CSMD1: variants seen among roughly 807,000 people sequenced by gnomAD.
CSMD1 encodes CUB and Sushi multiple domains 1, also known as CUB and sushi domain-containing protein 1.
CSMD1 carries 213 observed loss-of-function variants against 417.5 expected under a neutral mutation model. That is an observed-to-expected ratio of 0.51 (90% CI 0.46 to 0.57). The LOEUF (loss-of-function observed/expected upper bound fraction) is 0.57, where lower values mean the gene tolerates loss of function less well. Among genes scored for constraint, CSMD1 ranks in the 20% least tolerant of loss-of-function variants. The probability of loss-of-function intolerance (pLI) is 0.00; values close to 1 mark genes in which losing one functional copy is unlikely to be tolerated. For missense variants in CSMD1, 6,923 were observed against 4,529.7 expected (o/e 1.53, Z -15.17); for synonymous variants, 2,862 against 1,736.8 (o/e 1.65, Z -16.11).
chr8:4,716,240 T>G (rs1027329136), intron 1 of CSMD1, among the ~76,000 whole-genome samples: 1 of 152,144 alleles, frequency 6.6e-6, no homozygotes, highest in Admixed American at 6.5e-5. Flanking sequence ...CTGCCAAGAA[T>G]CCTTACACTT....
At chr8:3,930,408 G>C (rs11777715) in intron 5 of CSMD1, among the ~76,000 whole-genome samples, 3 of 150,398 alleles carry the variant, frequency 2.0e-5, no homozygotes, top group African/African-American at 7.4e-5. Context: ...GCTTATACTG[G>C]TCCAAGCAAG....
At chr8:3,751,951 T>C (rs201200214) in intron 6 of CSMD1, among the ~76,000 whole-genome samples, 4 of 152,328 alleles carry the variant, frequency 2.6e-5, no homozygotes, top group Middle Eastern at 3.4e-3. Context: ...CTTGTAAATA[T>C]TGACTTATGG....
rs1397163834 is a variant in CSMD1 at position 3,577,690 on chromosome 8, C to T, written c.1223-2624G>A. ...TAACTGTAATTATGTAATTCTAACC[C>T]TCCTTCTTAGGACATTGTTGAAAGC... On this transcript the variant is annotated intron_variant, in intron 9 of 69. Coordinates refer to ENST00000635120, the MANE Select transcript of CSMD1 (RefSeq NM_033225.6). Among the ~76,000 whole-genome samples the T allele has an allele frequency of 2.0e-5, 3 of 152,318 alleles. No homozygotes were observed. The East Asian group carries it at 5.8e-4, about 29-fold the overall frequency.
At position 3,296,922 on chromosome 8, in the gene CSMD1, T is replaced by G. The variant is rs536681127; in HGVS notation, c.3950+10773A>C. 8.2e-4 allele frequency among the ~76,000 whole-genome samples: 125 copies of G among 152,226 alleles called. 1 individual carries two copies. The highest frequency in any genetic ancestry group is 2.5e-3 in the African/African-American group (104 of 41,530). ...GGTAGCTGTTCACGTAAGTTGGAGT[T>G]TCAGAGAGAAGTCAGAGTGGAGAAA... is the stretch of plus-strand genomic sequence containing the variant. On this transcript the variant is annotated intron_variant, in intron 25 of 69. Transcript: ENST00000635120.
At chr8:4,265,551 A>G (rs1804186668) in intron 3 of CSMD1, among the ~76,000 whole-genome samples, 3 of 105,228 alleles carry the variant, frequency 2.9e-5, no homozygotes, top group African/African-American at 7.8e-5. Flanking sequence ...TACAAATTCT[A>G]TTCATATACT....
At chr8:3,170,756 G>C (rs941820441) in intron 37 of CSMD1, among the ~76,000 whole-genome samples, 3 of 152,188 alleles carry the variant, frequency 2.0e-5, no homozygotes, top group Non-Finnish European at 4.4e-5. Context: ...ATAGTGAACT[G>C]TGTAAGTTTG....
intron 10 of CSMD1, among the ~76,000 whole-genome samples, chr8:3,525,087 T>G (rs1175826933): frequency 1.3e-5 from 2 of 152,152 alleles, no homozygotes; most frequent in Non-Finnish European, 2.9e-5. Flanking sequence ...AAAGTGAATC[T>G]CTTATTTTTC....
intron 5 of CSMD1, among the ~76,000 whole-genome samples, chr8:3,824,524 C>T (rs1317292786): frequency 2.6e-5 from 4 of 152,146 alleles, no homozygotes; most frequent in African/African-American, 7.2e-5. Flanking sequence ...ACACTTAAAG[C>T]GTGATGAGTC....
intron 10 of CSMD1, among the ~76,000 whole-genome samples, chr8:3,537,009 CTTTTCTTTT>C (rs1798230571): frequency 6.6e-6 from 1 of 151,972 alleles, no homozygotes; most frequent in Non-Finnish European, 1.5e-5. Context: ...TCTTTTCTTT[CTTTTCTTTT>C]TTTTGAGATG....
chr8:4,894,013 C>T (rs1272599088), intron 1 of CSMD1, among the ~76,000 whole-genome samples: 2 of 151,564 alleles, frequency 1.3e-5, no homozygotes, highest in Non-Finnish European at 2.9e-5. Context: ...TGTATAGATA[C>T]CTTTGGATTT....
At position 3,046,438 on chromosome 8, in the gene CSMD1, C is replaced by A. The variant is rs1255143978; in HGVS notation, c.7660+6024G>T. ...TCCAAACCAGGCTTCTGCCCACCTT[C>A]TTCACCTCTGCTTCTTTTTATTCCC... On this transcript the variant is annotated intron_variant, in intron 50 of 69. Transcript: ENST00000635120. 2.6e-5 allele frequency among the ~76,000 whole-genome samples: 4 copies of A among 152,204 alleles called. 1 individual carries two copies. Among genetic ancestry groups the A allele is most frequent in the African/African-American group, 9.7e-5 (4 of 41,446 alleles).
chr8:4,289,282 C>T lies in CSMD1; in HGVS notation c.415+130671G>A, dbSNP rs1797230658. On this transcript the variant is annotated intron_variant, in intron 3 of 69. Transcript: ENST00000635120. Reference sequence around the variant, plus strand: ...TGGAAGCCTCTTTAGGCTAATTTGCCTACATAATTTCACCCATTATATATG... The same window carrying T: ...TGGAAGCCTCTTTAGGCTAATTTGCTTACATAATTTCACCCATTATATATG... Among the ~76,000 whole-genome samples the T allele has an allele frequency of 1.3e-5, 2 of 152,124 alleles. 1 individual carries two copies. Among genetic ancestry groups the T allele is most frequent in the South Asian group, 4.1e-4 (2 of 4,828 alleles).
At chr8:3,145,244 C>G (rs1304472478) in intron 40 of CSMD1, among the ~76,000 whole-genome samples, 1 of 152,098 alleles carries the variant, frequency 6.6e-6, no homozygotes, top group Non-Finnish European at 1.5e-5. Flanking sequence ...CTACGTATGT[C>G]CAGAGTACCA....
intron 2 of CSMD1, among the ~76,000 whole-genome samples, chr8:4,608,363 G>A (rs927140152): frequency 7.9e-5 from 12 of 152,134 alleles, no homozygotes; most frequent in South Asian, 2.1e-4. Flanking sequence ...GTGGCTGACC[G>A]GAACATGGTG....
intron 3 of CSMD1, among the ~76,000 whole-genome samples, chr8:4,370,951 C>A (rs879277747): frequency 1.3e-5 from 2 of 152,184 alleles, no homozygotes; most frequent in African/African-American, 2.4e-5. Context: ...TGGTTTGAAT[C>A]CATTGCTGGC....
chr8:3,288,016 T>C lies in CSMD1; in HGVS notation c.3951-3670A>G, dbSNP rs1313721996. Among the ~76,000 whole-genome samples, 3 of 147,154 alleles carry C rather than the reference T, an allele frequency of 2.0e-5. 1 individual carries two copies. The highest frequency in any genetic ancestry group is 8.1e-5 in the African/African-American group (3 of 36,982). ...TATTGAGAGTTTTTAGCATGAAAGG[T>C]TGTTGAATTTTGTCAAAGGCCTTTT... On this transcript the variant is annotated intron_variant, in intron 25 of 69. Transcript: ENST00000635120.
chr8:3,811,561 C>T (rs1447861851), intron 5 of CSMD1, among the ~76,000 whole-genome samples: 1 of 152,096 alleles, frequency 6.6e-6, no homozygotes, highest in Non-Finnish European at 1.5e-5. Context: ...GCACGCCTGA[C>T]CACATCCTCG....
intron 6 of CSMD1, among the ~76,000 whole-genome samples, chr8:3,747,995 T>A (rs1797143164): frequency 1.3e-5 from 2 of 152,106 alleles, no homozygotes; most frequent in Admixed American, 6.5e-5. Context: ...AAGGTGGACG[T>A]GATTATTTCT....
At chr8:4,649,424 T>C (rs1311009832) in intron 1 of CSMD1, among the ~76,000 whole-genome samples, 1 of 152,184 alleles carries the variant, frequency 6.6e-6, no homozygotes, top group East Asian at 1.9e-4. Flanking sequence ...ATTTTACTGA[T>C]GAGAAAAACT....
Sources: gnomAD v4.1 joint callset for allele counts (sites outside exome capture counted in the v4.1 genomes callset) on GRCh38, gnomAD v4.1.1 for gene constraint, MANE v1.5 for transcripts, NCBI Gene and HGNC (gene_info 2026-07-23, HGNC 2026-07-21) for gene names.